Variants in BEND4 observed in about 807,000 individuals in gnomAD.
BEND4 encodes BEN domain-containing protein 4.
BEND4 carries 27 observed loss-of-function variants against 54.7 expected under a neutral mutation model. The observed-to-expected ratio is 0.49, with a 90% CI of 0.36 to 0.68. The LOEUF (loss-of-function observed/expected upper bound fraction) is 0.68. Ranked by LOEUF, BEND4 falls within the 30% of genes least tolerant of loss-of-function variation. The probability of loss-of-function intolerance (pLI) is 0.00; values close to 1 mark genes in which losing one functional copy is unlikely to be tolerated. For missense variants in BEND4, 702 were observed against 697.2 expected, an observed-to-expected ratio of 1.01 and a Z score of -0.08; for synonymous variants, 327 against 299.5, an observed-to-expected ratio of 1.09 and a Z score of -0.95.
In BEND4 at chr4:42,152,046, T is replaced by C. The variant is rs1260239906; in HGVS notation, c.98A>G (p.Lys33Arg). Residue 33 changes from lysine to arginine, a missense_variant, in exon 2 of 6, where the codon AAG becomes AGG. Coordinates refer to ENST00000502486, the MANE Select transcript of BEND4 (RefSeq NM_207406.4). ...PYSVLKTFPS[K>R]RPALAKRYER... Reference sequence around the variant, plus strand: ...GTAGCGCTTGGCCAGCGCCGGTCTCTTGCTGGGGAACGTCTTGAGGACGCT... The same window carrying C: ...GTAGCGCTTGGCCAGCGCCGGTCTCCTGCTGGGGAACGTCTTGAGGACGCT... 4 of 1,251,336 alleles carry C rather than the reference T, an allele frequency of 3.2e-6. No individual in the cohort carries two copies. The highest frequency in any genetic ancestry group is 3.0e-6 in the Non-Finnish European group (3 of 990,858). 77.5% of individuals were successfully genotyped at this position (1,251,336 alleles called of 1,614,324 possible).
At chr4:42,133,574 G>T (rs867261418) in intron 3 of BEND4, among the ~76,000 whole-genome samples, 5 of 152,218 alleles carry the variant, frequency 3.3e-5, no homozygotes, top group African/African-American at 1.2e-4. Context: ...GGGAAAATGG[G>T]CGAGGCGCCG....
chr4:42,144,713 T>G (rs1248979926), intron 2 of BEND4, among the ~76,000 whole-genome samples: 1 of 152,236 alleles, frequency 6.6e-6, no homozygotes, highest in Admixed American at 6.5e-5. Context: ...CCTCTTCCAG[T>G]AGATTGCCAA....
intron 3 of BEND4, among the ~76,000 whole-genome samples, chr4:42,127,359 A>G (rs146965425): frequency 0.013 from 2,049 of 152,338 alleles, 20 homozygotes; most frequent in Middle Eastern, 0.037. Context: ...TTGCTGAACA[A>G]TAAGAGGTCA....
chr4:42,152,323 CCGCGCG>C lies in BEND4; in HGVS notation c.-186_-181del, dbSNP rs1721336213. On this transcript the variant is annotated 5_prime_UTR_variant, in exon 2 of 6. Coordinates refer to ENST00000502486, the MANE Select transcript of BEND4 (RefSeq NM_207406.4). Reference sequence around the variant, plus strand: ...CGCTGAGGCTGGCATCGCCGAGCCCCCGCGCGGGGGGCTGCCGCCCGAGCTCCTGAT... The same window carrying C: ...CGCTGAGGCTGGCATCGCCGAGCCCCGGGGGCTGCCGCCCGAGCTCCTGAT... 2.2e-6 allele frequency: 1 copy of C among 453,602 alleles called. No individual in the cohort carries two copies. The highest frequency in any genetic ancestry group is 4.3e-5 in the East Asian group (1 of 23,368). 28.1% of individuals were successfully genotyped at this position (453,602 alleles called of 1,614,324 possible).
At chr4:42,121,841 A>G (rs1720073132) in intron 4 of BEND4, among the ~76,000 whole-genome samples, 1 of 152,138 alleles carries the variant, frequency 6.6e-6, no homozygotes, top group Admixed American at 6.5e-5. Flanking sequence ...TGTACGGGAG[A>G]CTGAGGAAGC....
intron 4 of BEND4, among the ~76,000 whole-genome samples, chr4:42,121,470 T>A (rs965901527): frequency 3.3e-5 from 5 of 152,222 alleles, no homozygotes; most frequent in Non-Finnish European, 7.3e-5. Flanking sequence ...CAGGCTGGGT[T>A]TTAATTGAAT....
Position 42,120,186 on chromosome 4 carries a change from T to G in BEND4, c.1255A>C (p.Ile419Leu). ...TCATCGGTTGTGAAAACAAATCTGA[T>G]GAGGTATCGAAGGAGCCGTCTCCCA... is the stretch of plus-strand genomic sequence containing the variant. ...KDGRRLLRYLIRFVFTTDELK... is the reference protein window; with the variant it reads ...KDGRRLLRYLLRFVFTTDELK... Residue 419 changes from isoleucine to leucine, a missense_variant, in exon 5 of 6, where the codon ATC becomes CTC. By Grantham distance (5) the Ile-to-Leu change is conservative (BLOSUM62 2). Transcript: ENST00000502486. 1.2e-6 allele frequency: 2 copies of G among 1,614,026 alleles called. No homozygotes were observed. The highest frequency in any genetic ancestry group is 1.7e-6 in the Non-Finnish European group (2 of 1,179,904).
chr4:42,136,741 T>C (rs1022941151), intron 3 of BEND4, among the ~76,000 whole-genome samples: 1 of 152,246 alleles, frequency 6.6e-6, no homozygotes, highest in African/African-American at 2.4e-5. Context: ...ACTGAAGTGC[T>C]GTCTACTGTT....
chr4:42,113,288 T>G lies in BEND4; in HGVS notation c.*4230A>C, dbSNP rs1282607753. ...TATACATTTAAATCTTTCCTAAAAT[T>G]GAAGCTATTATCCATGGATGACATT... On this transcript the variant is annotated 3_prime_UTR_variant, in exon 6 of 6. Coordinates refer to ENST00000502486, the MANE Select transcript of BEND4 (RefSeq NM_207406.4). 6.6e-6 allele frequency: 1 copy of G among 152,200 alleles called. No individual in the cohort carries two copies. The highest frequency in any genetic ancestry group is 1.9e-4 in the East Asian group (1 of 5,198). 9.4% of individuals were successfully genotyped at this position (152,200 alleles called of 1,614,324 possible).
chr4:42,141,753 CA>C (rs1170484571), intron 3 of BEND4, among the ~76,000 whole-genome samples: 6 of 150,734 alleles, frequency 4.0e-5, no homozygotes, highest in East Asian at 1.9e-4. Context: ...TTAAAACAAA[CA>C]AAAAAAAGGA....
At chr4:42,140,702 C>A (rs1454346154) in intron 3 of BEND4, among the ~76,000 whole-genome samples, 1 of 152,178 alleles carries the variant, frequency 6.6e-6, no homozygotes, top group Non-Finnish European at 1.5e-5. Flanking sequence ...TTGCTTAGGG[C>A]ACATCAAGGA....
At chr4:42,135,182 G>C (rs1406962854) in intron 3 of BEND4, among the ~76,000 whole-genome samples, 1 of 152,118 alleles carries the variant, frequency 6.6e-6, no homozygotes, top group African/African-American at 2.4e-5. Context: ...GAAAGCAGAG[G>C]TCCCACTGAT....
chr4:42,124,110 T>G (rs1417022432), intron 4 of BEND4, among the ~76,000 whole-genome samples: 1 of 152,098 alleles, frequency 6.6e-6, no homozygotes, highest in East Asian at 1.9e-4. Context: ...ATCCCAACAC[T>G]TTGGGAGGCT....
chr4:42,125,176 G>A (rs1720223033), intron 4 of BEND4, among the ~76,000 whole-genome samples: 1 of 152,072 alleles, frequency 6.6e-6, no homozygotes, highest in African/African-American at 2.4e-5. Context: ...CATGTGCAGG[G>A]GCCCTGACTT....
chr4:42,115,938 T>C lies in BEND4; in HGVS notation c.*1580A>G, dbSNP rs1383756437. The C allele has an allele frequency of 6.6e-6, 1 of 152,256 alleles. No individual in the cohort carries two copies. The highest frequency in any genetic ancestry group is 2.4e-5 in the African/African-American group (1 of 41,468). 9.4% of individuals were successfully genotyped at this position (152,256 alleles called of 1,614,324 possible). ...TACATCATTGAGCAGATCTGACAGA[T>C]GACCACCTCCATAAACATTAAACTT... is the stretch of plus-strand genomic sequence containing the variant. On this transcript the variant is annotated 3_prime_UTR_variant, in exon 6 of 6. Coordinates refer to ENST00000502486, the MANE Select transcript of BEND4 (RefSeq NM_207406.4).
intron 3 of BEND4, among the ~76,000 whole-genome samples, chr4:42,135,007 T>C (rs1027024788): frequency 2.6e-5 from 4 of 152,156 alleles, no homozygotes; most frequent in Non-Finnish European, 4.4e-5. Context: ...ATTTACTCCA[T>C]AGACTATTTG....
At chr4:42,146,046 C>T (rs1721071365) in intron 2 of BEND4, among the ~76,000 whole-genome samples, 1 of 152,192 alleles carries the variant, frequency 6.6e-6, no homozygotes. Context: ...TACTTTCTTA[C>T]TCTTAGGAGC....
rs1231285290 is a variant in BEND4, at chr4:42,116,871, CCA to C, written c.*645_*646del. 6.6e-6 allele frequency: 1 copy of C among 152,092 alleles called. No homozygotes were observed. Among genetic ancestry groups the C allele is most frequent in the East Asian group, 1.9e-4 (1 of 5,200 alleles). 9.4% of individuals were successfully genotyped at this position (152,092 alleles called of 1,614,324 possible). A position where few individuals can be genotyped will look rare whatever the true frequency, so the allele number is the denominator to read the frequency against. ...GAAAAATGACTACTGTTTGTAAACT[CCA>C]GAGATCAAATAGTGCCTTCTTGATC... is the stretch of plus-strand genomic sequence containing the variant. On this transcript the variant is annotated 3_prime_UTR_variant, in exon 6 of 6. Coordinates refer to ENST00000502486, the MANE Select transcript of BEND4 (RefSeq NM_207406.4).
intron 2 of BEND4, among the ~76,000 whole-genome samples, chr4:42,149,650 C>T (rs1342311720): frequency 6.6e-6 from 1 of 151,216 alleles, no homozygotes; most frequent in African/African-American, 2.4e-5. Context: ...CATCTGGGAA[C>T]AGAGACAAAA....
Sources: gnomAD v4.1 joint callset for allele counts (sites outside exome capture counted in the v4.1 genomes callset) on GRCh38, gnomAD v4.1.1 for gene constraint, MANE v1.5 for transcripts, NCBI Gene and HGNC (gene_info 2026-07-23, HGNC 2026-07-21) for gene names.